Variants in HIVEP1 observed in about 807,000 individuals in gnomAD.
HIVEP1 encodes the protein HIVEP zinc finger 1, also known as zinc finger protein 40.
HIVEP1 carries 36 observed loss-of-function variants against 180.0 expected under a neutral mutation model. That is an observed-to-expected ratio of 0.20 (90% CI 0.15 to 0.26). The LOEUF is 0.26. HIVEP1 is among the 10% of genes least tolerant of loss of function. HIVEP1 has a pLI of 1.00. For missense variants in HIVEP1, 3,143 were observed against 3,268.7 expected, an observed-to-expected ratio of 0.96 and a Z score of 0.94; for synonymous variants, 1,239 against 1,239.0, an observed-to-expected ratio of 1.00 and a Z score of 0.00.
At chr6:12,127,080 T>G (rs1028091629) in intron 4 of HIVEP1, among the ~76,000 whole-genome samples, 4 of 152,102 alleles carry the variant, frequency 2.6e-5, no homozygotes, top group Non-Finnish European at 2.9e-5. Flanking sequence ...AAGCTGGTCT[T>G]GAACTCCTGA....
intron 3 of HIVEP1, among the ~76,000 whole-genome samples, chr6:12,105,443 T>C (rs1774365241): frequency 6.6e-6 from 1 of 152,226 alleles, no homozygotes; most frequent in Non-Finnish European, 1.5e-5. Flanking sequence ...TTTGGACTTT[T>C]ATCCTCTCCA....
intron 7 of HIVEP1, among the ~76,000 whole-genome samples, chr6:12,151,001 C>T (rs1246522120): frequency 1.3e-5 from 2 of 152,282 alleles, no homozygotes; most frequent in South Asian, 2.1e-4. Flanking sequence ...GCTGCTTTTG[C>T]GACTCCGACT....
rs79986502 is a variant in HIVEP1, at chr6:12,040,142, A to G, written c.40+24474A>G. Among the ~76,000 whole-genome samples the G allele has an allele frequency of 1.4e-3, 207 of 152,322 alleles. 1 individual carries two copies. Among genetic ancestry groups the G allele is most frequent in the African/African-American group, 4.6e-3 (191 of 41,570 alleles). ...TGTGGGCGTGCATGCATATGCCTGC[A>G]TTTTGGAGAGGAAGGGATCTGGGCT... On this transcript the variant is annotated intron_variant, in intron 2 of 8. Transcript: ENST00000379388.
the HIVEP1 span, among the ~76,000 whole-genome samples, chr6:12,180,842 A>G: frequency 6.6e-6 from 1 of 152,186 alleles, no homozygotes; most frequent in African/African-American, 2.4e-5. Flanking sequence ...CTTTTATTGT[A>G]GGTGCTGCTT....
intron 1 of HIVEP1, among the ~76,000 whole-genome samples, chr6:12,013,750 G>C (rs1001897136): frequency 2.6e-5 from 4 of 152,188 alleles, no homozygotes; most frequent in Non-Finnish European, 5.9e-5. Flanking sequence ...TGTTTCTTTA[G>C]AGCAAGGAGC....
In HIVEP1 at chr6:12,122,027, TGAG is replaced by T. The variant is rs1757711950; in HGVS notation, c.2236_2238del (p.Glu746del). 1 of 1,613,998 alleles carries T rather than the reference TGAG, an allele frequency of 6.2e-7. No homozygotes were observed. The highest frequency in any genetic ancestry group is 1.3e-5 in the African/African-American group (1 of 74,908). ...GCCCACCTTTGGCCACAAAAACACT[TGAG>T]GAGCGGATATCGAAGCTTATCTCAG... On this transcript the variant is annotated inframe_deletion, in exon 4 of 9. Coordinates refer to ENST00000379388, the MANE Select transcript of HIVEP1 (RefSeq NM_002114.4).
the HIVEP1 span, among the ~76,000 whole-genome samples, chr6:12,174,267 A>T: frequency 6.6e-6 from 1 of 152,206 alleles, no homozygotes; most frequent in Non-Finnish European, 1.5e-5. Flanking sequence ...AATATTGATT[A>T]TGAGAAACCA....
In HIVEP1 at chr6:12,120,470, G is replaced by A. The variant is rs1775501818; in HGVS notation, c.675G>A (p.Arg225=). The change falls in exon 4 of 9, where the codon AGG becomes AGA. Residue 225 remains arginine (R), a synonymous_variant. Coordinates refer to ENST00000379388, the MANE Select transcript of HIVEP1 (RefSeq NM_002114.4). ...GTGCAATTAAGACAGAAAAACTGAG[G>A]CCAAATAAAACTGCACGTTCCCCTC... ...SPCAIKTEKL[R]PNKTARSPPK... The A allele has an allele frequency of 9.3e-6, 15 of 1,613,952 alleles. No homozygotes were observed. Among genetic ancestry groups the A allele is most frequent in the Non-Finnish European group, 1.2e-5 (14 of 1,180,004 alleles).
chr6:12,080,913 T>C (rs9369072), intron 2 of HIVEP1, among the ~76,000 whole-genome samples: 7,661 of 152,242 alleles, frequency 0.05, 203 homozygotes, highest in South Asian at 0.1. Context: ...ATAACCACTC[T>C]GGATCTTCTA....
chr6:12,131,037 C>T (rs2113567055), intron 6 of HIVEP1, 95 bp downstream of exon 6: 1 of 777,620 alleles, frequency 1.3e-6, no homozygotes, highest in East Asian at 2.5e-5. Context: ...GATGAAATAG[C>T]AGCTTAAATA....
chr6:12,066,377 A>G (rs903914489), intron 2 of HIVEP1, among the ~76,000 whole-genome samples: 7 of 152,212 alleles, frequency 4.6e-5, no homozygotes, highest in Admixed American at 3.9e-4. Flanking sequence ...AAGTTCAGTT[A>G]TATTTCTGTG....
chr6:12,124,667 A>G lies in HIVEP1; in HGVS notation c.4872A>G (p.Gly1624=), dbSNP rs753734511. ...TACCACCAGAGCTCAGGCCCCTTGG[A>G]AGTCAGGTGCAGAAGGTGCCATCAT... ...PLLPPELRPL[G]SQVQKVPSSF... Residue 1624 remains glycine, a synonymous_variant, in exon 4 of 9, where the codon GGA becomes GGG. Transcript: ENST00000379388. The G allele has an allele frequency of 2.5e-6, 4 of 1,614,120 alleles. No homozygotes were observed. In the South Asian group the frequency reaches 4.4e-5, roughly 18 times the overall value.
chr6:12,193,497 G>A, the HIVEP1 span, among the ~76,000 whole-genome samples: 5 of 152,212 alleles, frequency 3.3e-5, no homozygotes, highest in African/African-American at 1.2e-4. Context: ...CAGTTTTCAA[G>A]GTCTTATCCT....
the HIVEP1 span, among the ~76,000 whole-genome samples, chr6:12,199,612 C>T: frequency 6.6e-6 from 1 of 152,126 alleles, no homozygotes; most frequent in Non-Finnish European, 1.5e-5. Flanking sequence ...CTGCCCACCT[C>T]GGCCTCCTAA....
chr6:12,078,669 ATATACACACAC>A (rs1772550313), intron 2 of HIVEP1, among the ~76,000 whole-genome samples: 3 of 140,102 alleles, frequency 2.1e-5, no homozygotes, highest in South Asian at 2.2e-4. Flanking sequence ...ATATACATAT[ATATACACACAC>A]TATACACACA....
rs573323031 is a variant in HIVEP1, at chr6:12,119,768, T to C, written c.95-122T>C. The C allele has an allele frequency of 5.9e-5, 38 of 642,208 alleles. 2 individuals carry two copies. The South Asian group carries it at 1.0e-3, about 18-fold the overall frequency. 39.8% of individuals were successfully genotyped at this position (642,208 alleles called of 1,614,324 possible). ...GCAATTTTATTTAAAAAATAGACTT[T>C]CCTTAAATACTTTCTTCACTTGTCA... On this transcript the variant is annotated intron_variant, in intron 3 of 8. Transcript: ENST00000379388.
chr6:12,168,234 T>G (rs1415977148), downstream of HIVEP1, among the ~76,000 whole-genome samples: 1,132 of 129,324 alleles, frequency 8.8e-3, 30 homozygotes, highest in African/African-American at 0.029. Flanking sequence ...ATTATATACA[T>G]ATATATTATA....
the HIVEP1 span, among the ~76,000 whole-genome samples, chr6:12,170,861 G>A: frequency 6.6e-6 from 1 of 152,148 alleles, no homozygotes; most frequent in Non-Finnish European, 1.5e-5. Flanking sequence ...ACAAAAGTAA[G>A]GAGGAAAGGG....
Position 12,135,999 on chromosome 6 carries a change from A to T in HIVEP1, c.6487+107A>T. The T allele has an allele frequency of 1.5e-5, 9 of 619,126 alleles. No homozygotes were observed. The South Asian group carries it at 1.5e-4, about 11-fold the overall frequency. 38.4% of individuals were successfully genotyped at this position (619,126 alleles called of 1,614,324 possible). ...GATTCTGCCTAATTCTGTTTTCATT[A>T]CCTCTTATTTATATGCAGTAGACTC... On this transcript the variant is annotated intron_variant, in intron 7 of 8. Coordinates refer to ENST00000379388, the MANE Select transcript of HIVEP1 (RefSeq NM_002114.4).
Sources: gnomAD v4.1 joint callset for allele counts (sites outside exome capture counted in the v4.1 genomes callset) on GRCh38, gnomAD v4.1.1 for gene constraint, MANE v1.5 for transcripts, NCBI Gene and HGNC (gene_info 2026-07-23, HGNC 2026-07-21) for gene names.